XRN1: variants seen among roughly 807,000 people sequenced by gnomAD.
XRN1 encodes strand-exchange protein 1 homolog.
XRN1 carries 67 observed loss-of-function variants against 222.3 expected under a neutral mutation model. The ratio of observed to expected loss-of-function variants is 0.30; its 90% CI spans 0.25 to 0.37. The LOEUF (loss-of-function observed/expected upper bound fraction) is 0.37, where lower values mean the gene tolerates loss of function less well. Among genes scored for constraint, XRN1 ranks in the 10% least tolerant of loss-of-function variants. The pLI, the probability that XRN1 is intolerant of heterozygous loss-of-function variation, is 1.00. For missense variants in XRN1, 1,707 were observed against 2,000.2 expected (o/e 0.85, Z 2.80); for synonymous variants, 643 against 652.4 (o/e 0.99, Z 0.22).
At chr3:142,431,183 A>G (rs2069504754) in intron 2 of XRN1, among the ~76,000 whole-genome samples, 1 of 152,228 alleles carries the variant, frequency 6.6e-6, no homozygotes, top group Non-Finnish European at 1.5e-5. Flanking sequence ...CTACTACAGT[A>G]CTATCATTTG....
Position 142,375,858 on chromosome 3 carries a change from A to G in XRN1, c.2918T>C (p.Val973Ala), listed in dbSNP as rs763092698. 13 of 1,613,760 alleles carry G rather than the reference A, an allele frequency of 8.1e-6. No homozygotes were observed. Among genetic ancestry groups the G allele is most frequent in the Admixed American group, 3.3e-5 (2 of 59,956 alleles). ...AGATGAATACATCCATTCACTTCCA[A>G]CTTTCTTAGTATATCCAGGTACCTC... ...NEEVPGYTKK[V>A]GSEWMYSSAA... The change falls in exon 25 of 41, where the codon GTT becomes GCT. Residue 973 changes from valine (V) to alanine (A), a missense_variant. This residue lies in a region of XRN1 where 1,234 missense variants were observed against 1,518.2 expected (regional missense o/e 0.81). Coordinates refer to ENST00000392981, the MANE Select transcript of XRN1 (RefSeq NM_001282857.2).
In XRN1 at chr3:142,308,752, G is replaced by A. The variant is rs2065019773; in HGVS notation, c.*2759C>T. On this transcript the variant is annotated 3_prime_UTR_variant, in exon 41 of 41. Transcript: ENST00000392981. ...TTTAGAAATAATGTTTCAGTTAGGA[G>A]ACAAAGGCTTAAATAGATTGAAGTG... 1 of 152,156 alleles carries A rather than the reference G, an allele frequency of 6.6e-6. No homozygotes were observed. The highest frequency in any genetic ancestry group is 1.5e-5 in the Non-Finnish European group (1 of 68,024). The allele number at this position is 152,156 out of a possible 1,614,324, so 9.4% of individuals were successfully genotyped here. A position where few individuals can be genotyped will look rare whatever the true frequency, so the allele number is the denominator to read the frequency against.
At chr3:142,446,219 C>T (rs1398987414) in intron 1 of XRN1, among the ~76,000 whole-genome samples, 2 of 152,188 alleles carry the variant, frequency 1.3e-5, no homozygotes, top group Admixed American at 1.3e-4. Context: ...CTATCCTTCC[C>T]GCCCAGGACT....
At chr3:142,408,111 C>T (rs374329321) in intron 15 of XRN1, among the ~76,000 whole-genome samples, 1 of 152,252 alleles carries the variant, frequency 6.6e-6, no homozygotes, top group African/African-American at 2.4e-5. Flanking sequence ...AACAACTTGA[C>T]TTTCTATGCT....
intron 20 of XRN1, among the ~76,000 whole-genome samples, chr3:142,385,494 C>T (rs866680587): frequency 6.6e-6 from 1 of 152,260 alleles, no homozygotes; most frequent in East Asian, 1.9e-4. Flanking sequence ...GTAATTCAGA[C>T]AGCCTCCTAG....
At chr3:142,409,211 T>C (rs1402827001) in intron 15 of XRN1, among the ~76,000 whole-genome samples, 3 of 152,216 alleles carry the variant, frequency 2.0e-5, no homozygotes, top group African/African-American at 7.2e-5. Flanking sequence ...TGAAATCTAT[T>C]TTCTCAATTC....
intron 20 of XRN1, among the ~76,000 whole-genome samples, chr3:142,386,540 A>C (rs1047271933): frequency 2.6e-5 from 4 of 152,162 alleles, no homozygotes; most frequent in Non-Finnish European, 5.9e-5. Flanking sequence ...CAGTAATTAA[A>C]AACAAGCTAC....
chr3:142,383,180 G>A (rs1310827230), intron 22 of XRN1, 120 bp downstream of exon 22: 6 of 788,728 alleles, frequency 7.6e-6, no homozygotes, highest in Non-Finnish European at 1.2e-5. Context: ...TAAGTTACAT[G>A]GATAAATTCT....
chr3:142,355,539 G>T, intron 31 of XRN1, 43 bp from the exon 32 acceptor site: 2 of 1,249,234 alleles, frequency 1.6e-6, no homozygotes, highest in Non-Finnish European at 2.3e-6. Flanking sequence ...GAAATAGGAA[G>T]AAATAAAAAT....
intron 36 of XRN1, among the ~76,000 whole-genome samples, chr3:142,330,448 T>A (rs1189294433): frequency 6.6e-6 from 1 of 152,172 alleles, no homozygotes; most frequent in Non-Finnish European, 1.5e-5. Flanking sequence ...AACAAAAGCA[T>A]ACCTCATTGA....
At chr3:142,371,876 T>C (rs1340584729) in intron 25 of XRN1, among the ~76,000 whole-genome samples, 2 of 152,158 alleles carry the variant, frequency 1.3e-5, no homozygotes, top group African/African-American at 2.4e-5. Flanking sequence ...AAGCACGGTA[T>C]CTGGTGGCAT....
chr3:142,394,256 A>G (rs943954758), intron 20 of XRN1, among the ~76,000 whole-genome samples: 2 of 152,108 alleles, frequency 1.3e-5, no homozygotes, highest in African/African-American at 4.8e-5. Flanking sequence ...TTGTCTCTTC[A>G]TTGTGCTCAT....
chr3:142,397,513 A>G, intron 19 of XRN1, 53 bp from the exon 20 acceptor site: 3 of 1,399,654 alleles, frequency 2.1e-6, no homozygotes, highest in South Asian at 1.7e-5. Context: ...TTTAATATAG[A>G]GTTCTAGCAG....
At chr3:142,429,187 G>A (rs573143133) in intron 2 of XRN1, among the ~76,000 whole-genome samples, 11 of 131,728 alleles carry the variant, frequency 8.4e-5, no homozygotes, top group South Asian at 2.4e-4. Context: ...TCACTCTGTC[G>A]CCCAGGCTGG....
At chr3:142,400,258 G>A (rs2068076939) in intron 19 of XRN1, among the ~76,000 whole-genome samples, 186 bp downstream of exon 19, 1 of 152,172 alleles carries the variant, frequency 6.6e-6, no homozygotes, top group Non-Finnish European at 1.5e-5. Flanking sequence ...AATATCTCAA[G>A]AGAGGTACAA....
chr3:142,322,585 C>T (rs1008953855), intron 37 of XRN1, among the ~76,000 whole-genome samples: 1 of 152,104 alleles, frequency 6.6e-6, no homozygotes, highest in African/African-American at 2.4e-5. Flanking sequence ...ACTCAGGAGG[C>T]AGGAGAATCG....
chr3:142,418,945 T>G, intron 10 of XRN1, 64 bp from the exon 11 acceptor site: 5 of 1,449,474 alleles, frequency 3.4e-6, no homozygotes, highest in Non-Finnish European at 4.9e-6. Context: ...ATGTCATTTC[T>G]CTTCCATGCA....
At chr3:142,318,253 A>G (rs1323103694) in intron 39 of XRN1, among the ~76,000 whole-genome samples, 5 of 131,430 alleles carry the variant, frequency 3.8e-5, no homozygotes, top group Admixed American at 7.6e-5. Context: ...TCTCAACAAG[A>G]TTTTGGACAT....
At position 142,412,655 on chromosome 3, in the gene XRN1, C is replaced by A; in HGVS notation, c.1602G>T (p.Met534Ile). The A allele has an allele frequency of 1.3e-6, 2 of 1,576,454 alleles. No individual in the cohort carries two copies. The highest frequency in any genetic ancestry group is 1.2e-5 in the South Asian group (1 of 84,160). The change falls in exon 15 of 41, where the codon ATG becomes ATT. Residue 534 changes from methionine to isoleucine, a missense_variant. Physicochemically the swap from Met to Ile is conservative, Grantham distance 10. This residue lies in a region of XRN1 where 1,234 missense variants were observed against 1,518.2 expected (regional missense o/e 0.81). Transcript: ENST00000392981. ...NLLPACYQHLMTNEDSPIIEY... is the reference protein window; with the variant it reads ...NLLPACYQHLITNEDSPIIEY... ...CTATAATTGGTGAGTCTTCATTGGT[C>A]ATCAAATGCTGTGAAAATATGAAAT...
Sources: gnomAD v4.1 joint callset for allele counts (sites outside exome capture counted in the v4.1 genomes callset) on GRCh38, gnomAD v4.1.1 for gene constraint, gnomAD v4.1.1 regional missense constraint, MANE v1.5 for transcripts, NCBI Gene and HGNC (gene_info 2026-07-23, HGNC 2026-07-21) for gene names.